The following MCMBP variants were observed in gnomAD, a reference collection of about 807,000 sequenced individuals.
MCMBP encodes mini-chromosome maintenance complex-binding protein.
Under a neutral mutation model 81.3 loss-of-function variants are expected in MCMBP, and 31 were observed. That is an observed-to-expected ratio of 0.38 (90% confidence interval 0.29 to 0.51). The LOEUF is 0.51. Ranked by LOEUF, MCMBP falls within the 20% of genes least tolerant of loss-of-function variation. The pLI, the probability that MCMBP is intolerant of heterozygous loss-of-function variation, is 0.87. For synonymous variants in MCMBP, 267 were observed against 275.9 expected, an observed-to-expected ratio of 0.97 and a Z score of 0.32; for missense variants, 645 against 772.1, an observed-to-expected ratio of 0.84 and a Z score of 1.95.
intron 13 of MCMBP, among the ~76,000 whole-genome samples, chr10:119,836,070 G>A (rs374545669): frequency 1.1e-4 from 16 of 152,162 alleles, no homozygotes; most frequent in African/African-American, 2.9e-4. Context: ...CTGGGCTCAC[G>A]CAATCCACCT....
chr10:119,872,187 T>C (rs1201363451), intron 1 of MCMBP, among the ~76,000 whole-genome samples: 1 of 152,088 alleles, frequency 6.6e-6, no homozygotes, highest in Non-Finnish European at 1.5e-5. Flanking sequence ...CCTCCGAGTT[T>C]GCTGCGCCCG....
chr10:119,857,448 T>G lies in MCMBP; in HGVS notation c.328-9A>C. ...TCAAGTTCTTGTTGAGGCTGTGATA[T>G]ACATAAAAAGTGTTTTTAAAAATTT... On this transcript the variant is annotated splice_polypyrimidine_tract_variant and intron_variant, in intron 4 of 15. Coordinates refer to ENST00000369077, the MANE Select transcript of MCMBP (RefSeq NM_001256378.2). 6.4e-7 allele frequency: 1 copy of G among 1,569,404 alleles called. No homozygotes were observed. Among genetic ancestry groups the G allele is most frequent in the Non-Finnish European group, 8.6e-7 (1 of 1,156,876 alleles).
chr10:119,868,420 T>A (rs1233800757), intron 1 of MCMBP, among the ~76,000 whole-genome samples: 1 of 152,174 alleles, frequency 6.6e-6, no homozygotes, highest in Non-Finnish European at 1.5e-5. Flanking sequence ...AGCAAGACAC[T>A]GACTCCAGAA....
chr10:119,858,293 A>C (rs1440563627), intron 4 of MCMBP: 1 of 152,300 alleles, frequency 6.6e-6, no homozygotes, highest in Non-Finnish European at 1.5e-5. Context: ...TCATAAATAA[A>C]AGACTCATTC....
intron 13 of MCMBP, 43 bp downstream of exon 13, chr10:119,836,853 T>C (rs756228206): frequency 6.8e-7 from 1 of 1,465,552 alleles, no homozygotes; most frequent in Non-Finnish European, 9.2e-7. Flanking sequence ...GTAGGTATTT[T>C]TCCAATGTCA....
Position 119,831,451 on chromosome 10 carries a change from T to C in MCMBP, c.*23A>G. On this transcript the variant is annotated 3_prime_UTR_variant, in exon 16 of 16. Coordinates refer to ENST00000369077, the MANE Select transcript of MCMBP (RefSeq NM_001256378.2). ...AATTATGTGGCTACAGTTTGCCCATTACTCTTCATAGGTATTACATCTTTA... is the reference window on the plus strand; with the variant it reads ...AATTATGTGGCTACAGTTTGCCCATCACTCTTCATAGGTATTACATCTTTA... 1 of 1,612,970 alleles carries C rather than the reference T, an allele frequency of 6.2e-7. No individual in the cohort carries two copies. The highest frequency in any genetic ancestry group is 2.2e-5 in the East Asian group (1 of 44,854).
In MCMBP at chr10:119,872,212, G is replaced by C. The variant is rs569725832; in HGVS notation, c.58+315C>G. Among the ~76,000 whole-genome samples the C allele has an allele frequency of 2.0e-5, 3 of 151,992 alleles. No individual in the cohort carries two copies. The South Asian group carries it at 6.2e-4, about 32-fold the overall frequency. On this transcript the variant is annotated intron_variant, in intron 1 of 15. Coordinates refer to ENST00000369077, the MANE Select transcript of MCMBP (RefSeq NM_001256378.2). The stretch of plus-strand genomic sequence containing the variant: ...TGCTGCGCCCGGGGCCGGGGCCCTG[G>C]CCCTGCCACAGGCTGGGAGCGAGGC...
intron 7 of MCMBP, among the ~76,000 whole-genome samples, chr10:119,848,246 G>A: frequency 6.6e-6 from 1 of 152,000 alleles, no homozygotes; most frequent in African/African-American, 2.4e-5. Context: ...ATTAGACCTG[G>A]TAGAAGCAAG....
intron 9 of MCMBP, 76 bp downstream of exon 9, chr10:119,843,178 G>A (rs1852496527): frequency 4.0e-6 from 6 of 1,516,658 alleles, no homozygotes; most frequent in South Asian, 1.1e-5. Flanking sequence ...ATTCCACTAT[G>A]AGCACGTTAC....
At position 119,854,299 on chromosome 10, in the gene MCMBP, C is replaced by A. The variant is rs113059681; in HGVS notation, c.430-1105G>T. Among the ~76,000 whole-genome samples, 1,018 of 151,834 alleles carry A rather than the reference C, an allele frequency of 6.7e-3. 10 individuals carry two copies. Among genetic ancestry groups the A allele is most frequent in the African/African-American group, 0.024 (976 of 41,474 alleles). ...TCAAGTGATCCTCCTGCCTCTGCCTCCCAAAGTGCTGGGATTATAGGCATG... is the reference window on the plus strand; with the variant it reads ...TCAAGTGATCCTCCTGCCTCTGCCTACCAAAGTGCTGGGATTATAGGCATG... On this transcript the variant is annotated intron_variant, in intron 5 of 15. Coordinates refer to ENST00000369077, the MANE Select transcript of MCMBP (RefSeq NM_001256378.2).
chr10:119,870,651 T>C (rs1853639566), intron 1 of MCMBP, among the ~76,000 whole-genome samples: 3 of 152,168 alleles, frequency 2.0e-5, no homozygotes, highest in Admixed American at 1.3e-4. Flanking sequence ...TGCATATGCA[T>C]TACCTATCTG....
At chr10:119,862,286 G>A (rs1026673567) in intron 1 of MCMBP, among the ~76,000 whole-genome samples, 2 of 152,054 alleles carry the variant, frequency 1.3e-5, no homozygotes, top group East Asian at 1.9e-4. Context: ...CAGCCTGGGC[G>A]ACTAGAGTGA....
Position 119,838,677 on chromosome 10 carries a change from T to C in MCMBP, c.1266A>G (p.Ile422Met), listed in dbSNP as rs1852334495. Residue 422 changes from isoleucine (I) to methionine (M), a missense_variant, in exon 12 of 16, where the codon ATA becomes ATG. Transcript: ENST00000369077. ...TGAATTTCAAATGGTTCATGTTCTC[T>C]ATAGTCATCTGCAGACGAAAAGACT... ...VPASFRLQMT[I>M]ENMNHLKFIP... The C allele has an allele frequency of 1.2e-6, 2 of 1,611,268 alleles. No homozygotes were observed. The highest frequency in any genetic ancestry group is 1.7e-6 in the Non-Finnish European group (2 of 1,178,008).
chr10:119,872,021 AAG>A (rs1293048498), intron 1 of MCMBP, among the ~76,000 whole-genome samples: 8 of 152,164 alleles, frequency 5.3e-5, no homozygotes, highest in Non-Finnish European at 1.0e-4. Context: ...TTATCTCTGA[AAG>A]AGAGAATGAG....
chr10:119,873,003 C>T (rs967734916), upstream of MCMBP, among the ~76,000 whole-genome samples: 1 of 151,860 alleles, frequency 6.6e-6, no homozygotes, highest in Non-Finnish European at 1.5e-5. Context: ...GAAGGGCACG[C>T]AGCGCCGCTG....
Position 119,842,695 on chromosome 10 carries a change from G to A in MCMBP, c.1001-100C>T, listed in dbSNP as rs549291012. 80 of 1,304,204 alleles carry A rather than the reference G, an allele frequency of 6.1e-5. No individual in the cohort carries two copies. The Middle Eastern group carries it at 7.8e-4, about 13-fold the overall frequency. The allele number at this position is 1,304,204 out of a possible 1,614,324, so 80.8% of individuals were successfully genotyped here. ...TACGTGAGCAAAGCACAATTCAGTC[G>A]ACAGTAGGTAAAGCTTAACATATCC... is the stretch of plus-strand genomic sequence containing the variant. On this transcript the variant is annotated intron_variant, in intron 9 of 15. Transcript: ENST00000369077.
At chr10:119,858,621 GTTCT>G (rs779573304) in intron 4 of MCMBP, among the ~76,000 whole-genome samples, 38 of 152,044 alleles carry the variant, frequency 2.5e-4, no homozygotes, top group Non-Finnish European at 4.7e-4. Flanking sequence ...GCAACCTAGG[GTTCT>G]TTGTTTTACA....
intron 1 of MCMBP, among the ~76,000 whole-genome samples, chr10:119,866,161 G>C (rs1204190965): frequency 6.6e-6 from 1 of 151,900 alleles, no homozygotes; most frequent in East Asian, 1.9e-4. Context: ...AAATATCATG[G>C]TAAATGAAAA....
At chr10:119,841,400 C>G (rs1852427388) in intron 10 of MCMBP, among the ~76,000 whole-genome samples, 1 of 152,164 alleles carries the variant, frequency 6.6e-6, no homozygotes. Context: ...AGATTTACAG[C>G]ACAAAGATGT....
Sources: gnomAD v4.1 joint callset for allele counts (sites outside exome capture counted in the v4.1 genomes callset) on GRCh38, gnomAD v4.1.1 for gene constraint, MANE v1.5 for transcripts, NCBI Gene and HGNC (gene_info 2026-07-23, HGNC 2026-07-21) for gene names.